RASA1: variants seen among roughly 807,000 people sequenced by gnomAD.
RASA1 encodes ras GTPase-activating protein 1.
Under a neutral mutation model 132.2 loss-of-function variants are expected in RASA1, and 25 were observed. The ratio of observed to expected loss-of-function variants is 0.19; its 90% confidence interval spans 0.14 to 0.26. The LOEUF (loss-of-function observed/expected upper bound fraction) is 0.26. RASA1 is among the 10% of genes least tolerant of loss of function. RASA1 has a pLI of 1.00. For synonymous variants in RASA1, 477 were observed against 449.9 expected (o/e 1.06, Z -0.76); for missense variants, 964 against 1,299.2 (o/e 0.74, Z 3.97).
Position 87,331,381 on chromosome 5 carries a change from A to C in RASA1, c.573A>C (p.Ala191=). The C allele has an allele frequency of 6.2e-7, 1 of 1,612,654 alleles. No homozygotes were observed. The highest frequency in any genetic ancestry group is 8.5e-7 in the Non-Finnish European group (1 of 1,178,692). The change falls in exon 2 of 25, where the codon GCA becomes GCC. Residue 191 remains alanine, a synonymous_variant. Coordinates refer to ENST00000274376, the MANE Select transcript of RASA1 (RefSeq NM_002890.3). ...WYHGKLDRTI[A]EERLRQAGKS... Reference sequence around the variant, plus strand: ...ACGGAAAACTTGACAGAACGATAGCAGAAGAACGCCTCAGGCAGGCAGGGA... The same window carrying C: ...ACGGAAAACTTGACAGAACGATAGCCGAAGAACGCCTCAGGCAGGCAGGGA...
chr5:87,369,974 A>G (rs2112475059), intron 12 of RASA1, 74 bp downstream of exon 12: 2 of 1,237,154 alleles, frequency 1.6e-6, no homozygotes, highest in South Asian at 1.3e-5. Context: ...GGAATAGAAA[A>G]TGATCGCATT....
intron 9 of RASA1, among the ~76,000 whole-genome samples, chr5:87,358,585 C>T (rs1040528283): frequency 2.6e-5 from 4 of 152,226 alleles, no homozygotes; most frequent in African/African-American, 9.6e-5. Context: ...CCTTATGCTG[C>T]ATGCTGCGCA....
intron 1 of RASA1, among the ~76,000 whole-genome samples, chr5:87,293,967 T>C (rs1345782220): frequency 6.6e-6 from 1 of 152,146 alleles, no homozygotes; most frequent in East Asian, 1.9e-4. Context: ...CTGTCTTTTT[T>C]TGTAAGTCTG....
At chr5:87,275,745 A>AT (rs1328338967) in intron 1 of RASA1, among the ~76,000 whole-genome samples, 2 of 151,664 alleles carry the variant, frequency 1.3e-5, no homozygotes, top group Non-Finnish European at 2.9e-5. Context: ...TAATTTTTGT[A>AT]TTTTTCATGG....
rs148963280 is a variant in RASA1, at chr5:87,350,396, C to G, written c.1253+1032C>G. ...TGTAATTTTTCCCAATTCCAGTTTT[C>G]TGGAGATTTAGAACATACAAAATAA... On this transcript the variant is annotated intron_variant, in intron 8 of 24. Transcript: ENST00000274376. Among the ~76,000 whole-genome samples, 686 of 151,904 alleles carry G rather than the reference C, an allele frequency of 4.5e-3. 5 individuals are homozygous for G. Among genetic ancestry groups the G allele is most frequent in the Middle Eastern group, 0.01 (3 of 294 alleles).
At position 87,268,499 on chromosome 5, in the gene RASA1, C is replaced by T; in HGVS notation, c.48C>T (p.Ala16=). The T allele has an allele frequency of 1.3e-6, 2 of 1,561,008 alleles. No homozygotes were observed. Among genetic ancestry groups the T allele is most frequent in the Non-Finnish European group, 1.7e-6 (2 of 1,154,896 alleles). The change falls in exon 1 of 25, where the codon GCC becomes GCT. Residue 16 remains alanine (A), a synonymous_variant. Coordinates refer to ENST00000274376, the MANE Select transcript of RASA1 (RefSeq NM_002890.3). ...AGSEEGGPVT[A]GAGGGGAAAG... ...GTGAGGAGGGCGGCCCGGTAACAGC[C>T]GGAGCTGGAGGAGGCGGCGCGGCAG... is the stretch of plus-strand genomic sequence containing the variant.
At position 87,313,102 on chromosome 5, in the gene RASA1, AGATATTATGG is replaced by A. The variant is rs200775841; in HGVS notation, c.540-18243_540-18234del. 3.9e-5 allele frequency among the ~76,000 whole-genome samples: 6 copies of A among 152,326 alleles called. No individual in the cohort carries two copies. In the East Asian group the frequency reaches 1.2e-3, roughly 29 times the overall value. ...AGTGTCAACAAGTTGTATGGACTGCAGATATTATGGGAGTTCAGAGTAGGGGAGGTTAGGG... is the reference window on the plus strand; with the variant it reads ...AGTGTCAACAAGTTGTATGGACTGCAGAGTTCAGAGTAGGGGAGGTTAGGG... On this transcript the variant is annotated intron_variant, in intron 1 of 24. Coordinates refer to ENST00000274376, the MANE Select transcript of RASA1 (RefSeq NM_002890.3).
intron 1 of RASA1, among the ~76,000 whole-genome samples, chr5:87,290,916 C>T (rs1201109779): frequency 6.6e-6 from 1 of 152,120 alleles, no homozygotes; most frequent in Non-Finnish European, 1.5e-5. Context: ...TGCTTATAAA[C>T]ATTTGTATGC....
rs185180240 is a variant in RASA1, at chr5:87,390,759, C to T, written c.3061-41C>T. The T allele has an allele frequency of 2.8e-5, 43 of 1,537,170 alleles. No homozygotes were observed. In the East Asian group the frequency reaches 3.4e-4, roughly 12 times the overall value. ...AGGTTCCCATCCTGAAATTGCTGAC[C>T]GAGCTTTCATTTATTTTCATACCAT... On this transcript the variant is annotated intron_variant, in intron 24 of 24. Coordinates refer to ENST00000274376, the MANE Select transcript of RASA1 (RefSeq NM_002890.3).
In RASA1 at chr5:87,298,266, G is replaced by C. The variant is rs540967971; in HGVS notation, c.539+29276G>C. ...CTACTAAAAATACAAAAAATTAGCC[G>C]GGCATGGTGGCGGGTGCCTGTAGTC... On this transcript the variant is annotated intron_variant, in intron 1 of 24. Transcript: ENST00000274376. 2.7e-3 allele frequency among the ~76,000 whole-genome samples: 403 copies of C among 151,920 alleles called. 5 individuals carry two copies. Among genetic ancestry groups the C allele is most frequent in the East Asian group, 8.2e-3 (42 of 5,152 alleles).
intron 10 of RASA1, among the ~76,000 whole-genome samples, chr5:87,363,086 G>A (rs1162312636): frequency 6.6e-6 from 1 of 151,668 alleles, no homozygotes; most frequent in African/African-American, 2.4e-5. Context: ...CAAGAATTCT[G>A]ACAATTTCAT....
intron 1 of RASA1, among the ~76,000 whole-genome samples, chr5:87,308,625 G>A (rs1250768439): frequency 6.6e-6 from 1 of 152,068 alleles, no homozygotes; most frequent in Non-Finnish European, 1.5e-5. Context: ...TATGTATAAT[G>A]TACATGCATT....
chr5:87,330,613 C>G (rs550579374), intron 1 of RASA1, among the ~76,000 whole-genome samples: 1 of 152,254 alleles, frequency 6.6e-6, no homozygotes, highest in South Asian at 2.1e-4. Context: ...CTTTTATAGG[C>G]ATACTTGGTA....
chr5:87,353,054 A>T (rs903571588), intron 8 of RASA1, 103 bp from the exon 9 acceptor site: 1 of 814,912 alleles, frequency 1.2e-6, no homozygotes, highest in South Asian at 1.5e-5. Flanking sequence ...CTTTGAAAAA[A>T]ATTTGCTAAT....
At position 87,369,910 on chromosome 5, in the gene RASA1, C is replaced by CA. The variant is rs1561316762; in HGVS notation, c.1698+10_1698+11insA. 6.3e-7 allele frequency: 1 copy of CA among 1,588,660 alleles called. No individual in the cohort carries two copies. Among genetic ancestry groups the CA allele is most frequent in the Admixed American group, 1.7e-5 (1 of 59,860 alleles). On this transcript the variant is annotated intron_variant, in intron 12 of 24. Coordinates refer to ENST00000274376, the MANE Select transcript of RASA1 (RefSeq NM_002890.3). ...TCCAGAACAAGCAGAGGTAAGATTA[C>CA]TGTTTCTCAAACTACAGTATACTTT...
chr5:87,279,211 C>G (rs1283512680), intron 1 of RASA1, among the ~76,000 whole-genome samples: 2 of 152,126 alleles, frequency 1.3e-5, no homozygotes, highest in African/African-American at 4.8e-5. Flanking sequence ...CCATTGCACT[C>G]CAGCCTGGGT....
Position 87,335,419 on chromosome 5 carries a change from G to GTTTTT in RASA1, c.899+2103_899+2107dup, listed in dbSNP as rs34986349. Among the ~76,000 whole-genome samples, 104 of 72,924 alleles carry GTTTTT rather than the reference G, an allele frequency of 1.4e-3. 1 individual carries two copies. The highest frequency in any genetic ancestry group is 1.9e-3 in the African/African-American group (34 of 18,108). The allele number at this position is 72,924 out of a possible 152,430, so 47.8% of individuals were successfully genotyped here. A position where few individuals can be genotyped will look rare whatever the true frequency, so the allele number is the denominator to read the frequency against. Reference sequence around the variant, plus strand: ...ATAGGTGAAGATAATAAAGAATGAGGTTTTTTTTTTTTTTTTTTTTTTTTT... The same window carrying GTTTTT: ...ATAGGTGAAGATAATAAAGAATGAGGTTTTTTTTTTTTTTTTTTTTTTTTTTTTTT... On this transcript the variant is annotated intron_variant, in intron 4 of 24. Transcript: ENST00000274376.
At chr5:87,366,657 T>A (rs553505575) in intron 11 of RASA1, among the ~76,000 whole-genome samples, 14 of 152,354 alleles carry the variant, frequency 9.2e-5, no homozygotes, top group Admixed American at 4.6e-4. Context: ...GAATTATATT[T>A]AATGATACCA....
rs533958776 is a variant in RASA1, at chr5:87,356,829, G to T, written c.1332+3594G>T. On this transcript the variant is annotated intron_variant, in intron 9 of 24. Coordinates refer to ENST00000274376, the MANE Select transcript of RASA1 (RefSeq NM_002890.3). ...TCATATGGCTGGCTTTATTGTGGTGGTCTGGAGCCAAATCTGAAATACCTC... is the reference window on the plus strand; with the variant it reads ...TCATATGGCTGGCTTTATTGTGGTGTTCTGGAGCCAAATCTGAAATACCTC... 2.9e-4 allele frequency among the ~76,000 whole-genome samples: 44 copies of T among 152,278 alleles called. No individual in the cohort carries two copies. In the South Asian group the frequency reaches 7.5e-3, roughly 26 times the overall value.
Sources: allele counts gnomAD v4.1 joint callset (sites outside exome capture counted in the v4.1 genomes callset), GRCh38; gene constraint gnomAD v4.1.1; transcripts MANE v1.5; gene names NCBI Gene and HGNC (gene_info 2026-07-23, HGNC 2026-07-21).